TXNRD3: variants seen among roughly 807,000 people sequenced by gnomAD.
The protein encoded by TXNRD3 is TXNRD3 neighbor gene protein.
In TXNRD3, 68 loss-of-function variants were observed where a neutral mutation model predicts 78.2. The ratio of observed to expected loss-of-function variants is 0.87; its 90% confidence interval spans 0.72 to 1.06. TXNRD3 has a LOEUF of 1.06. TXNRD3 is among the 50% of genes least tolerant of loss of function. The pLI is 0.00. For synonymous variants in TXNRD3, 296 were observed against 300.1 expected (o/e 0.99, Z 0.14); for missense variants, 751 against 809.5 (o/e 0.93, Z 0.88).
At chr3:126,649,222 CCAAT>C (rs1933315633) in intron 1 of TXNRD3, among the ~76,000 whole-genome samples, 1 of 152,106 alleles carries the variant, frequency 6.6e-6, no homozygotes, top group Non-Finnish European at 1.5e-5. Flanking sequence ...ATATAAATGG[CCAAT>C]AATAAGCACG....
intron 12 of TXNRD3, among the ~76,000 whole-genome samples, chr3:126,619,590 G>A (rs1441916664): frequency 1.3e-5 from 2 of 152,112 alleles, no homozygotes; most frequent in Non-Finnish European, 2.9e-5. Flanking sequence ...GGGAGAGGTT[G>A]GTTAATAGAC....
At chr3:126,641,711 G>C (rs1369891015) in intron 6 of TXNRD3, among the ~76,000 whole-genome samples, 2 of 151,988 alleles carry the variant, frequency 1.3e-5, no homozygotes, top group Non-Finnish European at 2.9e-5. Flanking sequence ...TATAATAACA[G>C]ATATAATTCA....
At chr3:126,611,156 G>A (rs1245237944) in intron 13 of TXNRD3, 24 bp from the exon 14 acceptor site, 42 of 1,433,124 alleles carry the variant, frequency 2.9e-5, no homozygotes, top group Non-Finnish European at 3.7e-5. Flanking sequence ...GAGAGAAAAA[G>A]GGCAGAATTA....
chr3:126,618,028 C>A (rs551949068), intron 12 of TXNRD3, among the ~76,000 whole-genome samples: 3 of 152,080 alleles, frequency 2.0e-5, no homozygotes, highest in Non-Finnish European at 1.5e-5. Context: ...GGTGAAACCA[C>A]TCTACAATGA....
In TXNRD3 at chr3:126,654,765, A is replaced by T. The variant is rs1289348472; in HGVS notation, c.226T>A (p.Cys76Ser). ...GCGCCTACCCGAGTACTATGGGGACAGTAGCTCTTGCTGAAGATCACCACC... is the reference window on the plus strand; with the variant it reads ...GCGCCTACCCGAGTACTATGGGGACTGTAGCTCTTGCTGAAGATCACCACC... The change falls in exon 1 of 16, where the codon TGT (cysteine) becomes AGT (serine). Residue 76 changes from cysteine to serine, a missense_variant. Coordinates refer to ENST00000524230, the MANE Select transcript of TXNRD3 (RefSeq NM_052883.3). The T allele has an allele frequency of 6.3e-5, 89 of 1,417,020 alleles. No individual in the cohort carries two copies. Among genetic ancestry groups the T allele is most frequent in the Non-Finnish European group, 8.1e-5 (88 of 1,085,392 alleles). 87.8% of individuals were successfully genotyped at this position (1,417,020 alleles called of 1,614,324 possible). A position where few individuals can be genotyped will look rare whatever the true frequency, so the allele number is the denominator to read the frequency against.
intron 13 of TXNRD3, among the ~76,000 whole-genome samples, chr3:126,611,972 A>C (rs749981916): frequency 2.6e-5 from 4 of 152,162 alleles, no homozygotes; most frequent in Non-Finnish European, 5.9e-5. Context: ...GTAGCCAAAA[A>C]CAAAATTGAT....
At position 126,654,816 on chromosome 3, in the gene TXNRD3, G is replaced by C. The variant is rs1933474593; in HGVS notation, c.175C>G (p.Leu59Val). ...CGGCTGCGCTCGATGAGGCCCACGA[G>C]GTGGCGGCGCAGCTCCTCGCGGGCC... The change falls in exon 1 of 16, where the codon CTC (leucine) becomes GTC (valine). Residue 59 changes from leucine (L) to valine (V), a missense_variant. By Grantham distance (32) the Leu-to-Val change is conservative. Coordinates refer to ENST00000524230, the MANE Select transcript of TXNRD3 (RefSeq NM_052883.3). The C allele has an allele frequency of 7.0e-7, 1 of 1,421,746 alleles. No individual in the cohort carries two copies. Among genetic ancestry groups the C allele is most frequent in the Non-Finnish European group, 9.2e-7 (1 of 1,088,768 alleles). 88.1% of individuals were successfully genotyped at this position (1,421,746 alleles called of 1,614,324 possible). A position where few individuals can be genotyped will look rare whatever the true frequency, so the allele number is the denominator to read the frequency against.
In TXNRD3 at chr3:126,608,507, A is replaced by G; in HGVS notation, c.1855T>C (p.Cys619Arg). The G allele has an allele frequency of 1.3e-6, 2 of 1,534,022 alleles. No individual in the cohort carries two copies. The highest frequency in any genetic ancestry group is 8.7e-7 in the Non-Finnish European group (1 of 1,146,232). The stretch of plus-strand genomic sequence containing the variant: ...AACCTCCTGTTTCCTACCTCCCCAC[A>G]TGTGGGGTGAATTCCAATGGTGTCA... Residue 619 changes from cysteine (C) to arginine (R), a missense_variant, in exon 15 of 16, where the codon TGT becomes CGT. Transcript: ENST00000524230.
At chr3:126,630,095 TA>T (rs1348054350) in intron 9 of TXNRD3, among the ~76,000 whole-genome samples, 1 of 152,210 alleles carries the variant, frequency 6.6e-6, no homozygotes, top group Non-Finnish European at 1.5e-5. Context: ...GGGAAAACTA[TA>T]GACTGTGGGG....
chr3:126,630,434 G>C (rs982867247), intron 9 of TXNRD3, among the ~76,000 whole-genome samples: 1 of 152,108 alleles, frequency 6.6e-6, no homozygotes, highest in Admixed American at 6.6e-5. Context: ...ACAGTGATAA[G>C]AATAAGGAAA....
intron 6 of TXNRD3, among the ~76,000 whole-genome samples, chr3:126,635,489 TATA>T (rs1349545166): frequency 6.6e-6 from 1 of 152,210 alleles, no homozygotes; most frequent in Non-Finnish European, 1.5e-5. Context: ...CCTGCAACAG[TATA>T]ATATTTTTAA....
intron 1 of TXNRD3, among the ~76,000 whole-genome samples, chr3:126,652,214 C>A (rs1210288753): frequency 2.0e-5 from 3 of 152,074 alleles, no homozygotes; most frequent in African/African-American, 7.2e-5. Context: ...TTCACATGGC[C>A]AGGGCAGGAG....
rs1437622465 is a variant in TXNRD3, at chr3:126,640,383, AGGCGTGAGCCACCGCGCCCGG to A, written c.712+1628_712+1648del. On this transcript the variant is annotated intron_variant, in intron 6 of 15. Transcript: ENST00000524230. Reference sequence around the variant, plus strand: ...CGGCCTCCCAAAGTGCTGGGATTACAGGCGTGAGCCACCGCGCCCGGCCGCTGCTTGTGTTTTCTATCTCAG... The same window carrying A: ...CGGCCTCCCAAAGTGCTGGGATTACACCGCTGCTTGTGTTTTCTATCTCAG... Among the ~76,000 whole-genome samples, 28 of 142,050 alleles carry A rather than the reference AGGCGTGAGCCACCGCGCCCGG, an allele frequency of 2.0e-4. 9 individuals are homozygous for A. Among genetic ancestry groups the A allele is most frequent in the Non-Finnish European group, 2.0e-4 (13 of 63,890 alleles). 93.2% of individuals were successfully genotyped at this position (142,050 alleles called of 152,430 possible).
At chr3:126,629,264 C>A (rs1174119307) in intron 10 of TXNRD3, 115 bp downstream of exon 10, 2 of 796,320 alleles carry the variant, frequency 2.5e-6, no homozygotes, top group African/African-American at 3.5e-5. Flanking sequence ...AATGCTCTTA[C>A]AAAGAATAAA....
intron 10 of TXNRD3, among the ~76,000 whole-genome samples, chr3:126,626,832 T>C (rs1938589895): frequency 6.6e-6 from 1 of 152,178 alleles, no homozygotes; most frequent in South Asian, 2.1e-4. Flanking sequence ...GGCTGATGCC[T>C]ATAATCCCAG....
chr3:126,647,355 T>G (rs1212130048), intron 1 of TXNRD3, 59 bp from the exon 2 acceptor site: 2 of 1,194,056 alleles, frequency 1.7e-6, no homozygotes, highest in Non-Finnish European at 2.4e-6. Flanking sequence ...CTATGAAATA[T>G]GAACATAGTA....
At chr3:126,608,166 C>G (rs551239740) in intron 15 of TXNRD3, among the ~76,000 whole-genome samples, 193 bp from the exon 16 acceptor site, 67 of 152,008 alleles carry the variant, frequency 4.4e-4, no homozygotes, top group African/African-American at 1.6e-3. Flanking sequence ...TTCGAGACCA[C>G]CCTGGCCAAC....
rs1318304122 is a variant in TXNRD3, at chr3:126,607,918, C to T, written c.1919G>A (p.Gly640Asp). The change falls in exon 16 of 16, where the codon GGC becomes GAC. Residue 640 changes from glycine (G) to aspartate (D), a missense_variant. Gly to Asp is a moderately conservative substitution (Grantham distance 94). Coordinates refer to ENST00000524230, the MANE Select transcript of TXNRD3 (RefSeq NM_052883.3). ...ACAGCAGCAGGCCTAGCCTCAGCAGCCTTTCTGAGTGATGTCTAGTCCTGA... is the reference window on the plus strand; with the variant it reads ...ACAGCAGCAGGCCTAGCCTCAGCAGTCTTTCTGAGTGATGTCTAGTCCTGA... 2.0e-6 allele frequency: 3 copies of T among 1,515,920 alleles called. No homozygotes were observed. The highest frequency in any genetic ancestry group is 2.4e-5 in the South Asian group (2 of 82,234). 93.9% of individuals were successfully genotyped at this position (1,515,920 alleles called of 1,614,324 possible). A position where few individuals can be genotyped will look rare whatever the true frequency, so the allele number is the denominator to read the frequency against.
Position 126,633,978 on chromosome 3 carries a change from C to A in TXNRD3, c.786G>T (p.Leu262Phe). ...AGGCCACAGCCTTTTCCCTCAGAGA[C>A]AACCTGTAGCCCCAGTTTAGAGAGC... Residue 262 changes from leucine (L) to phenylalanine (F), a missense_variant, in exon 7 of 16, where the codon TTG becomes TTT. Coordinates refer to ENST00000524230, the MANE Select transcript of TXNRD3 (RefSeq NM_052883.3). The A allele has an allele frequency of 2.0e-6, 3 of 1,524,588 alleles. No homozygotes were observed. The South Asian group carries it at 3.7e-5, about 19-fold the overall frequency. 94.4% of individuals were successfully genotyped at this position (1,524,588 alleles called of 1,614,324 possible).
Sources: gnomAD v4.1 joint callset for allele counts (sites outside exome capture counted in the v4.1 genomes callset) on GRCh38, gnomAD v4.1.1 for gene constraint, MANE v1.5 for transcripts, NCBI Gene and HGNC (gene_info 2026-07-23, HGNC 2026-07-21) for gene names.